Variants in RBFOX3 observed in about 807,000 individuals in gnomAD.
The protein encoded by RBFOX3 is RNA binding fox-1 homolog 3, also known as RNA binding protein fox-1 homolog 3.
Under a neutral mutation model 48.7 loss-of-function variants are expected in RBFOX3, and 17 were observed. The observed-to-expected ratio is 0.35, with a 90% CI of 0.24 to 0.52. The LOEUF is 0.52. Among genes scored for constraint, RBFOX3 ranks in the 20% least tolerant of loss-of-function variants. RBFOX3 has a pLI of 0.94. For synonymous variants in RBFOX3, 212 were observed against 209.5 expected (o/e 1.01, Z -0.10); for missense variants, 382 against 497.5 (o/e 0.77, Z 2.21).
rs1443294054 is a variant in RBFOX3, at chr17:79,357,422, G to A, written c.-174-49598C>T. On this transcript the variant is annotated intron_variant, in intron 2 of 14. Transcript: ENST00000693108. Reference sequence around the variant, plus strand: ...GCAGGTGAATCACCTGAGGTCAGGAGCTTGAGACTTGCCTGGTCAACATGG... The same window carrying A: ...GCAGGTGAATCACCTGAGGTCAGGAACTTGAGACTTGCCTGGTCAACATGG... 3.3e-5 allele frequency among the ~76,000 whole-genome samples: 5 copies of A among 152,342 alleles called. No homozygotes were observed. The East Asian group carries it at 9.6e-4, about 29-fold the overall frequency.
At chr17:79,201,546 A>G (rs1007174142) in intron 4 of RBFOX3, among the ~76,000 whole-genome samples, 10 of 151,968 alleles carry the variant, frequency 6.6e-5, no homozygotes, top group African/African-American at 2.4e-4. Flanking sequence ...TTTCCTCCTA[A>G]CCCTGGGGCA....
intron 2 of RBFOX3, among the ~76,000 whole-genome samples, chr17:79,377,306 T>C (rs2059334287): frequency 6.6e-6 from 1 of 152,078 alleles, no homozygotes; most frequent in South Asian, 2.1e-4. Context: ...GAGCCCTGCA[T>C]GGACACGTGC....
chr17:79,465,022 G>A (rs1403944908), intron 2 of RBFOX3, among the ~76,000 whole-genome samples: 1 of 152,216 alleles, frequency 6.6e-6, no homozygotes, highest in Middle Eastern at 3.2e-3. Context: ...GGGACCCAAG[G>A]GTCTCCCGTT....
At chr17:79,192,068 C>T (rs1173167737) in intron 4 of RBFOX3, among the ~76,000 whole-genome samples, 1 of 152,134 alleles carries the variant, frequency 6.6e-6, no homozygotes, top group African/African-American at 2.4e-5. Flanking sequence ...GGCTGCCACC[C>T]CTGCCAACCC....
intron 2 of RBFOX3, among the ~76,000 whole-genome samples, chr17:79,401,212 C>G (rs1020935432): frequency 6.6e-6 from 1 of 152,200 alleles, no homozygotes; most frequent in Non-Finnish European, 1.5e-5. Context: ...TTCGGGGCTC[C>G]GCGGTCAGGT....
intron 2 of RBFOX3, among the ~76,000 whole-genome samples, chr17:79,384,624 C>T (rs776088921): frequency 2.6e-5 from 4 of 152,332 alleles, no homozygotes; most frequent in African/African-American, 7.2e-5. Context: ...CCCAGGCCTG[C>T]GCATCTGGGG....
At chr17:79,260,828 T>C (rs1465290034) in intron 3 of RBFOX3, among the ~76,000 whole-genome samples, 1 of 152,178 alleles carries the variant, frequency 6.6e-6, no homozygotes, top group Non-Finnish European at 1.5e-5. Flanking sequence ...TCCAAAGTCC[T>C]TTCCCAGCTC....
At chr17:79,305,933 C>T (rs1373335062) in intron 3 of RBFOX3, among the ~76,000 whole-genome samples, 1 of 152,206 alleles carries the variant, frequency 6.6e-6, no homozygotes, top group African/African-American at 2.4e-5. Context: ...CCCTGGGCAG[C>T]AGTTGTGCAA....
rs149888490 is a variant in RBFOX3 at position 79,381,497 on chromosome 17, G to A, written c.-174-73673C>T. 4.6e-3 allele frequency among the ~76,000 whole-genome samples: 703 copies of A among 152,282 alleles called. 2 individuals are homozygous for A. Among genetic ancestry groups the A allele is most frequent in the Non-Finnish European group, 8.0e-3 (544 of 68,024 alleles). ...GAGCTCCCCGGGGCTCGGGGCTGCC[G>A]TGTCAGACAGCGCATCCTGGGCCAC... On this transcript the variant is annotated intron_variant, in intron 2 of 14. Coordinates refer to ENST00000693108, the MANE Select transcript of RBFOX3 (RefSeq NM_001350451.2).
intron 2 of RBFOX3, among the ~76,000 whole-genome samples, chr17:79,325,756 C>T (rs1055131939): frequency 1.3e-5 from 2 of 152,234 alleles, no homozygotes; most frequent in African/African-American, 4.8e-5. Context: ...GCTCCAACCT[C>T]TTGGATATTT....
chr17:79,278,167 T>C (rs2069369558), intron 3 of RBFOX3, among the ~76,000 whole-genome samples: 1 of 151,960 alleles, frequency 6.6e-6, no homozygotes, highest in African/African-American at 2.4e-5. Flanking sequence ...ATGGGGGGCC[T>C]CGGGGGTCCA....
chr17:79,444,701 G>T (rs2071871184), intron 2 of RBFOX3, among the ~76,000 whole-genome samples: 1 of 151,946 alleles, frequency 6.6e-6, no homozygotes, highest in African/African-American at 2.4e-5. Context: ...GCCCGCATTT[G>T]CTCCAAACTA....
At position 79,429,176 on chromosome 17, in the gene RBFOX3, C is replaced by G. The variant is rs74489006; in HGVS notation, c.-175+53278G>C. Among the ~76,000 whole-genome samples, 43 of 152,380 alleles carry G rather than the reference C, an allele frequency of 2.8e-4. No homozygotes were observed. In the East Asian group the frequency reaches 7.7e-3, roughly 27 times the overall value. ...TCACACACGGCCGTGGAGCATGCTC[C>G]TTGCAGCCTCTTCAGGGACACCAGC... On this transcript the variant is annotated intron_variant, in intron 2 of 14. Transcript: ENST00000693108.
At chr17:79,555,619 G>A (rs963406759) in intron 1 of RBFOX3, among the ~76,000 whole-genome samples, 1 of 152,146 alleles carries the variant, frequency 6.6e-6, no homozygotes, top group African/African-American at 2.4e-5. Context: ...GGCGGTGGTG[G>A]TGGTAATGGT....
intron 1 of RBFOX3, among the ~76,000 whole-genome samples, chr17:79,504,822 A>G (rs1319703952): frequency 6.6e-6 from 1 of 152,328 alleles, no homozygotes; most frequent in Admixed American, 6.5e-5. Flanking sequence ...GGGCATGACT[A>G]TCTTTTGGGG....
At position 79,443,907 on chromosome 17, in the gene RBFOX3, C is replaced by T. The variant is rs999495595; in HGVS notation, c.-175+38547G>A. On this transcript the variant is annotated intron_variant, in intron 2 of 14. Transcript: ENST00000693108. The surrounding 1 kb of genome is among the most constrained non-coding windows in gnomAD (Gnocchi z 4.4). ...GAGAACAGAAATCCTACAGGGTACC[C>T]GTGACTTACTGGGCTATCCCGAGTG... Among the ~76,000 whole-genome samples, 7 of 152,120 alleles carry T rather than the reference C, an allele frequency of 4.6e-5. No individual in the cohort carries two copies. The highest frequency in any genetic ancestry group is 1.2e-4 in the African/African-American group (5 of 41,426).
At chr17:79,637,209 G>A in the RBFOX3 span, among the ~76,000 whole-genome samples, 96 of 152,226 alleles carry the variant, frequency 6.3e-4, no homozygotes, top group African/African-American at 2.3e-3. Flanking sequence ...AGTAGTAGGG[G>A]ACTTTAATAT....
At chr17:79,540,154 C>T (rs2089464992) in intron 1 of RBFOX3, among the ~76,000 whole-genome samples, 1 of 152,366 alleles carries the variant, frequency 6.6e-6, no homozygotes, top group Admixed American at 6.5e-5. Context: ...CACACACACT[C>T]ACAGGTGCTG....
the RBFOX3 span, among the ~76,000 whole-genome samples, chr17:79,634,063 G>A: frequency 7.3e-3 from 1,118 of 152,248 alleles, 19 homozygotes; most frequent in African/African-American, 0.026. Context: ...TCCTCACCGG[G>A]CTTATCTGCC....
Sources: gnomAD v4.1 joint callset for allele counts (sites outside exome capture counted in the v4.1 genomes callset) on GRCh38, gnomAD v4.1.1 for gene constraint, Gnocchi (gnomAD v3.1) non-coding constraint, MANE v1.5 for transcripts, NCBI Gene and HGNC (gene_info 2026-07-23, HGNC 2026-07-21) for gene names.